Variants in OPRM1 observed in about 807,000 individuals in gnomAD.
OPRM1 encodes mu-type opioid receptor.
A neutral mutation model predicts 31.8 loss-of-function variants in OPRM1; 27 were observed. The ratio of observed to expected loss-of-function variants is 0.85; its 90% CI spans 0.63 to 1.17. OPRM1 has a LOEUF of 1.17. OPRM1 is among the 50% of genes most tolerant of loss of function. OPRM1 has a pLI of 0.00. For synonymous variants in OPRM1, 196 were observed against 189.9 expected (o/e 1.03, Z -0.26); for missense variants, 536 against 511.1 (o/e 1.05, Z -0.47).
intron 3 of OPRM1, among the ~76,000 whole-genome samples, chr6:154,175,879 T>C (rs1303295058): frequency 6.6e-6 from 1 of 152,118 alleles, no homozygotes; most frequent in Non-Finnish European, 1.5e-5. Context: ...AAAAAGGGAA[T>C]TTTAGGCCAA....
chr6:154,170,292 A>G (rs535937869), intron 3 of OPRM1, among the ~76,000 whole-genome samples: 6 of 152,352 alleles, frequency 3.9e-5, no homozygotes, highest in East Asian at 3.9e-4. Flanking sequence ...AGCTTGAAAG[A>G]GGACTCTATA....
chr6:154,242,811 C>T (rs905876674), intron 3 of OPRM1, among the ~76,000 whole-genome samples: 1 of 152,046 alleles, frequency 6.6e-6, no homozygotes, highest in Non-Finnish European at 1.5e-5. Context: ...TCGCTTGATC[C>T]TGGGAGGCAG....
chr6:154,120,410 TC>T lies in OPRM1; in HGVS notation c.*1691del, dbSNP rs1797240198. Reference sequence around the variant, plus strand: ...AAGCCAAAATAAGTTTTTTAGTGTTTCCTTCTGATGAAGTTTCATGTTTGCT... The same window carrying T: ...AAGCCAAAATAAGTTTTTTAGTGTTTCTTCTGATGAAGTTTCATGTTTGCT... On this transcript the variant is annotated 3_prime_UTR_variant, in exon 4 of 4. Transcript: ENST00000330432. Among the ~76,000 whole-genome samples, 1 of 152,174 alleles carries T rather than the reference TC, an allele frequency of 6.6e-6. No individual in the cohort carries two copies. The highest frequency in any genetic ancestry group is 2.1e-4 in the South Asian group (1 of 4,828).
In OPRM1 at chr6:154,177,188, G is replaced by A. The variant is rs148405735; in HGVS notation, c.1165-69505G>A. Among the ~76,000 whole-genome samples, 1,363 of 152,244 alleles carry A rather than the reference G, an allele frequency of 9.0e-3. 15 individuals are homozygous for A. Among genetic ancestry groups the A allele is most frequent in the Non-Finnish European group, 0.014 (954 of 68,022 alleles). On this transcript the variant is annotated intron_variant, in intron 3 of 3. Transcript: ENST00000337049. ...AAGACCTAAAACCATAAAAACCCTA[G>A]AAGAAAACCTAGGCAATACCGTTCA... is the stretch of plus-strand genomic sequence containing the variant.
rs1275062481 is a variant in OPRM1, at chr6:154,141,778, C to A, written c.1164+50306C>A. ...TTCCGATTGGTCTTTCCAAAGGAGG[C>A]CATCAGATATGCATTTATCTCAGTG... On this transcript the variant is annotated intron_variant, in intron 3 of 3. Transcript: ENST00000337049. 7.9e-5 allele frequency among the ~76,000 whole-genome samples: 12 copies of A among 152,204 alleles called. 1 individual carries two copies. Among genetic ancestry groups the A allele is most frequent in the Admixed American group, 7.9e-4 (12 of 15,278 alleles).
chr6:154,065,300 C>T (rs1383516558), intron 1 of OPRM1, among the ~76,000 whole-genome samples: 1 of 152,002 alleles, frequency 6.6e-6, no homozygotes, highest in Non-Finnish European at 1.5e-5. Context: ...CAGCTGTGTG[C>T]CACCATGCCT....
At chr6:154,016,740 C>T (rs1016840080) in intron 1 of OPRM1, among the ~76,000 whole-genome samples, 1 of 152,162 alleles carries the variant, frequency 6.6e-6, no homozygotes, top group African/African-American at 2.4e-5. Context: ...GTTAGGAATA[C>T]ACAACAGCTA....
intron 1 of OPRM1, among the ~76,000 whole-genome samples, chr6:154,082,937 A>G (rs1789509280): frequency 6.6e-6 from 1 of 152,202 alleles, no homozygotes; most frequent in Non-Finnish European, 1.5e-5. Context: ...TAACATAGTA[A>G]CATTTTTCTA....
At position 154,176,937 on chromosome 6, in the gene OPRM1, C is replaced by T. The variant is rs144533144; in HGVS notation, c.1165-69756C>T. 3.5e-3 allele frequency among the ~76,000 whole-genome samples: 536 copies of T among 152,222 alleles called. 3 individuals are homozygous for T. Among genetic ancestry groups the T allele is most frequent in the African/African-American group, 0.012 (512 of 41,494 alleles). ...AAACAGCATGACACTGGTACTAAAA[C>T]AGAGATATAGACCAATGGAACAGAA... On this transcript the variant is annotated intron_variant, in intron 3 of 3. Coordinates refer to the OPRM1 transcript ENST00000337049.
At chr6:154,071,768 G>C (rs1786795527) in intron 1 of OPRM1, among the ~76,000 whole-genome samples, 1 of 152,164 alleles carries the variant, frequency 6.6e-6, no homozygotes, top group Non-Finnish European at 1.5e-5. Context: ...AGTTGTCATT[G>C]AGCAGTGGTC....
At chr6:154,159,039 T>C (rs1028240063) in intron 3 of OPRM1, 5 of 152,234 alleles carry the variant, frequency 3.3e-5, no homozygotes, top group Non-Finnish European at 7.3e-5. Flanking sequence ...ACAAGAGCAG[T>C]AGACATTCTT....
chr6:154,228,287 C>A lies in OPRM1; in HGVS notation c.1165-18406C>A, dbSNP rs6917621. Among the ~76,000 whole-genome samples the A allele has an allele frequency of 4.1e-3, 597 of 144,500 alleles. 6 individuals are homozygous for A. Among genetic ancestry groups the A allele is most frequent in the African/African-American group, 0.015 (577 of 38,506 alleles). 94.8% of individuals were successfully genotyped at this position (144,500 alleles called of 152,430 possible). On this transcript the variant is annotated intron_variant, in intron 3 of 3. Coordinates refer to the OPRM1 transcript ENST00000337049. ...TCAAGACCAGCCCAGACAACATAGG[C>A]AGACCTTGTCTCTGTTTAAAAAAAA...
chr6:154,051,621 C>T (rs146856667), intron 1 of OPRM1, among the ~76,000 whole-genome samples: 95 of 152,264 alleles, frequency 6.2e-4, no homozygotes, highest in African/African-American at 2.1e-3. Context: ...ATCAAAACTA[C>T]AATGAGAACC....
At chr6:154,246,865 A>G in exon 4 of OPRM1, 3 of 1,254,912 alleles carry the variant, frequency 2.4e-6, no homozygotes, top group Non-Finnish European at 3.1e-6. Flanking sequence ...TTAATTGTTA[A>G]CCCCCCGGGG....
chr6:154,012,934 A>G (rs1777807470), intron 1 of OPRM1, among the ~76,000 whole-genome samples: 1 of 152,030 alleles, frequency 6.6e-6, no homozygotes, highest in Non-Finnish European at 1.5e-5. Flanking sequence ...CCATCATAAG[A>G]GCTCCACCCT....
intron 1 of OPRM1, among the ~76,000 whole-genome samples, chr6:154,060,112 C>T (rs1362971454): frequency 6.6e-6 from 1 of 152,030 alleles, no homozygotes; most frequent in African/African-American, 2.4e-5. Flanking sequence ...ATCTGGAAGA[C>T]TCTAAGAAGA....
At chr6:154,013,196 A>G (rs924367352) in intron 1 of OPRM1, among the ~76,000 whole-genome samples, 1 of 152,184 alleles carries the variant, frequency 6.6e-6, no homozygotes, top group African/African-American at 2.4e-5. Context: ...TGTATCCAAT[A>G]ATCAAGAGAG....
intron 3 of OPRM1, among the ~76,000 whole-genome samples, chr6:154,142,804 C>T (rs1169828702): frequency 2.0e-5 from 3 of 152,212 alleles, no homozygotes; most frequent in Non-Finnish European, 4.4e-5. Flanking sequence ...TGCACGGATT[C>T]CCCTCCACTA....
intron 3 of OPRM1, chr6:154,214,154 T>C: frequency 1.9e-6 from 2 of 1,044,734 alleles, no homozygotes; most frequent in Non-Finnish European, 3.0e-6. Flanking sequence ...CATTGTTTTT[T>C]CACCCTGTTT....
Sources: allele counts gnomAD v4.1 joint callset (sites outside exome capture counted in the v4.1 genomes callset), GRCh38; gene constraint gnomAD v4.1.1; transcripts MANE v1.5; gene names NCBI Gene and HGNC (gene_info 2026-07-23, HGNC 2026-07-21).